CIT: variants seen among roughly 807,000 people sequenced by gnomAD.
CIT encodes the protein citron Rho-interacting kinase.
CIT carries 79 observed loss-of-function variants against 272.7 expected under a neutral mutation model. That is an observed-to-expected ratio of 0.29 (90% CI 0.24 to 0.35). The LOEUF (loss-of-function observed/expected upper bound fraction) is 0.35, where lower values mean the gene tolerates loss of function less well. Ranked by LOEUF, CIT falls within the 10% of genes least tolerant of loss-of-function variation. CIT has a pLI of 1.00. For missense variants in CIT, 1,909 were observed against 2,618.3 expected (o/e 0.73, Z 5.91); for synonymous variants, 948 against 995.6 (o/e 0.95, Z 0.90).
intron 7 of CIT, among the ~76,000 whole-genome samples, chr12:119,829,269 C>T (rs529809622): frequency 1.3e-5 from 2 of 151,828 alleles, no homozygotes; most frequent in South Asian, 2.1e-4. Context: ...ACCCAGGAGG[C>T]GGAGGTTGCA....
chr12:119,721,923 C>T (rs1229234485), intron 28 of CIT, among the ~76,000 whole-genome samples: 1 of 152,138 alleles, frequency 6.6e-6, no homozygotes, highest in Non-Finnish European at 1.5e-5. Flanking sequence ...GAAATCATAT[C>T]ATCCCTTACT....
At chr12:119,708,155 G>C in intron 40 of CIT, 24 bp downstream of exon 40, 2 of 1,520,736 alleles carry the variant, frequency 1.3e-6, no homozygotes, top group Non-Finnish European at 1.8e-6. Context: ...CATTCCACCA[G>C]CTAGGACTCT....
chr12:119,812,680 C>G (rs1231632910), intron 9 of CIT, among the ~76,000 whole-genome samples: 1 of 151,930 alleles, frequency 6.6e-6, no homozygotes, highest in Non-Finnish European at 1.5e-5. Flanking sequence ...AACTCCTGGC[C>G]TCAAGTGATC....
chr12:119,860,822 T>TA (rs561470396), intron 3 of CIT, among the ~76,000 whole-genome samples: 11,024 of 136,418 alleles, frequency 0.081, 786 homozygotes, highest in African/African-American at 0.2. Flanking sequence ...TATGATTACT[T>TA]AAAAAAAAAA....
intron 9 of CIT, among the ~76,000 whole-genome samples, chr12:119,818,529 T>C (rs1205759555): frequency 1.3e-5 from 2 of 152,150 alleles, no homozygotes; most frequent in African/African-American, 4.8e-5. Context: ...ACGATACCTA[T>C]TTGGAAGAAG....
chr12:119,860,207 C>A (rs1465445077), intron 3 of CIT, among the ~76,000 whole-genome samples: 2 of 152,210 alleles, frequency 1.3e-5, no homozygotes, highest in East Asian at 1.9e-4. Context: ...ATGAGTGCCG[C>A]GGTATTGAGA....
At chr12:119,826,184 C>T (rs1968141913) in intron 7 of CIT, among the ~76,000 whole-genome samples, 1 of 152,148 alleles carries the variant, frequency 6.6e-6, no homozygotes, top group African/African-American at 2.4e-5. Context: ...AACCCACCCA[C>T]AGGGCAAGAC....
intron 3 of CIT, among the ~76,000 whole-genome samples, chr12:119,862,669 G>T (rs1950375742): frequency 6.6e-6 from 1 of 151,254 alleles, no homozygotes; most frequent in Admixed American, 6.6e-5. Context: ...AATTAGCCAG[G>T]CGTGGTGGCA....
rs375336663 is a variant in CIT at position 119,704,132 on chromosome 12, G to A, written c.5304+231C>T. On this transcript the variant is annotated intron_variant, in intron 41 of 47. Coordinates refer to ENST00000392521, the MANE Select transcript of CIT (RefSeq NM_001206999.2). ...ACTGGGCTGGATGGGGAGGCAGTTC[G>A]CAAATGTGAGAAGAAAAGCAGGAGG... 2.5e-4 allele frequency among the ~76,000 whole-genome samples: 38 copies of A among 152,124 alleles called. 2 individuals are homozygous for A. The South Asian group carries it at 7.1e-3, about 28-fold the overall frequency.
chr12:119,734,541 C>T, intron 25 of CIT, 184 bp from the exon 26 acceptor site: 1 of 643,758 alleles, frequency 1.6e-6, no homozygotes, highest in South Asian at 1.9e-5. Flanking sequence ...TCTGCAGCCA[C>T]CTTAGAGGCA....
intron 5 of CIT, among the ~76,000 whole-genome samples, chr12:119,837,796 A>T (rs1039072722): frequency 6.6e-6 from 1 of 152,202 alleles, no homozygotes; most frequent in African/African-American, 2.4e-5. Flanking sequence ...CAAGCCAGGC[A>T]TGTTGGCTCA....
chr12:119,757,838 A>T (rs1411829070), intron 21 of CIT, among the ~76,000 whole-genome samples: 1 of 152,070 alleles, frequency 6.6e-6, no homozygotes, highest in East Asian at 1.9e-4. Flanking sequence ...AGGCCTGTTT[A>T]TTTCTTCTGT....
chr12:119,740,167 G>A lies in CIT; in HGVS notation c.2958+2244C>T, dbSNP rs78344343. 4.1e-3 allele frequency among the ~76,000 whole-genome samples: 629 copies of A among 152,280 alleles called. 3 individuals carry two copies. The highest frequency in any genetic ancestry group is 0.015 in the African/African-American group (603 of 41,566). On this transcript the variant is annotated intron_variant, in intron 24 of 47. Coordinates refer to ENST00000392521, the MANE Select transcript of CIT (RefSeq NM_001206999.2). ...ACTTGGGAAGGCCCCCATAGGCTTC[G>A]CCACAGAACACAGAGGTAAATGAAG...
At chr12:119,800,037 A>C (rs938378156) in intron 10 of CIT, among the ~76,000 whole-genome samples, 1 of 151,954 alleles carries the variant, frequency 6.6e-6, no homozygotes, top group African/African-American at 2.4e-5. Flanking sequence ...AGAAGGAAAA[A>C]CCTAAATAAA....
At chr12:119,715,507 T>C (rs1260573684) in intron 32 of CIT, among the ~76,000 whole-genome samples, 1 of 151,876 alleles carries the variant, frequency 6.6e-6, no homozygotes, top group Non-Finnish European at 1.5e-5. Flanking sequence ...AGTAGATTGG[T>C]GGTTGCTAAG....
At chr12:119,705,985 G>A (rs1429332909) in intron 40 of CIT, among the ~76,000 whole-genome samples, 1 of 151,364 alleles carries the variant, frequency 6.6e-6, no homozygotes, top group African/African-American at 2.4e-5. Context: ...AGCTACTTGG[G>A]AGGCTGAAGA....
At chr12:119,731,783 T>C (rs1283976568) in intron 26 of CIT, among the ~76,000 whole-genome samples, 1 of 149,494 alleles carries the variant, frequency 6.7e-6, no homozygotes, top group African/African-American at 2.5e-5. Flanking sequence ...CCTTGTTCTG[T>C]AACAAAAGCA....
Position 119,712,702 on chromosome 12 carries a change from G to A in CIT, c.4580-7C>T, listed in dbSNP as rs867260156. ...TCCACCGGCCTCTGTCCAGCTTGGTGCAAAGAGGAAGGGCAGAAAGAAAAA... is the reference window on the plus strand; with the variant it reads ...TCCACCGGCCTCTGTCCAGCTTGGTACAAAGAGGAAGGGCAGAAAGAAAAA... On this transcript the variant is annotated splice_polypyrimidine_tract_variant and splice_region_variant and intron_variant, in intron 35 of 47. Transcript: ENST00000392521. The surrounding 1 kb of genome is among the most constrained non-coding windows in gnomAD (Gnocchi z 5.2). 1.4e-5 allele frequency: 22 copies of A among 1,612,192 alleles called. No individual in the cohort carries two copies. In the Middle Eastern group the frequency reaches 3.0e-3, roughly 218 times the overall value.
chr12:119,729,059 G>A (rs1363931930), intron 27 of CIT, among the ~76,000 whole-genome samples: 1 of 152,170 alleles, frequency 6.6e-6, no homozygotes, highest in Non-Finnish European at 1.5e-5. Flanking sequence ...TGATAAGAAA[G>A]GCTTGGGAAA....
Sources: gnomAD v4.1 joint callset for allele counts (sites outside exome capture counted in the v4.1 genomes callset) on GRCh38, gnomAD v4.1.1 for gene constraint, Gnocchi (gnomAD v3.1) non-coding constraint, MANE v1.5 for transcripts, NCBI Gene and HGNC (gene_info 2026-07-23, HGNC 2026-07-21) for gene names.